The following LARP1 variants were observed in gnomAD, a reference collection of about 807,000 sequenced individuals.
LARP1 encodes the protein la-related protein 1.
In LARP1, 36 loss-of-function variants were observed where a neutral mutation model predicts 122.7. That is an observed-to-expected ratio of 0.29 (90% CI 0.22 to 0.39). The LOEUF (loss-of-function observed/expected upper bound fraction) is 0.39. Ranked by LOEUF, LARP1 falls within the 10% of genes least tolerant of loss-of-function variation. LARP1 has a pLI of 1.00. For synonymous variants in LARP1, 539 were observed against 528.7 expected (o/e 1.02, Z -0.27); for missense variants, 1,040 against 1,403.6 (o/e 0.74, Z 4.14).
intron 1 of LARP1, among the ~76,000 whole-genome samples, chr5:154,684,995 C>T (rs1303681523): frequency 6.6e-6 from 1 of 152,106 alleles, no homozygotes; most frequent in African/African-American, 2.4e-5. Context: ...CCTGTAATCT[C>T]AGCACTTTGT....
At chr5:154,745,953 G>A (rs985514723) in intron 1 of LARP1, among the ~76,000 whole-genome samples, 16 of 151,960 alleles carry the variant, frequency 1.1e-4, no homozygotes, top group Non-Finnish European at 1.6e-4. Flanking sequence ...GCGCCACCAC[G>A]CCCAGTTAAC....
chr5:154,725,881 C>T (rs1388404235), intron 1 of LARP1, among the ~76,000 whole-genome samples: 1 of 152,068 alleles, frequency 6.6e-6, no homozygotes, highest in African/African-American at 2.4e-5. Context: ...CGCTCTGTCA[C>T]CCAGGCTGGA....
intron 1 of LARP1, among the ~76,000 whole-genome samples, chr5:154,715,367 C>T (rs6877122): frequency 0.093 from 13,607 of 145,680 alleles, 737 homozygotes; most frequent in South Asian, 0.19. Flanking sequence ...CGGGTTCAAG[C>T]GATTCTCCTG....
At chr5:154,694,744 A>T (rs1754387579) in intron 1 of LARP1, among the ~76,000 whole-genome samples, 2 of 152,248 alleles carry the variant, frequency 1.3e-5, no homozygotes, top group African/African-American at 4.8e-5. Context: ...TAGCTTTAAA[A>T]TGCTTTAGCC....
At chr5:154,766,130 A>T (rs970088525) in intron 1 of LARP1, among the ~76,000 whole-genome samples, 1 of 152,216 alleles carries the variant, frequency 6.6e-6, no homozygotes, top group Non-Finnish European at 1.5e-5. Flanking sequence ...GTGTTCAGGG[A>T]ACTGAGTTCC....
chr5:154,711,762 G>A (rs1755235718), upstream of LARP1, among the ~76,000 whole-genome samples: 1 of 152,210 alleles, frequency 6.6e-6, no homozygotes, highest in Non-Finnish European at 1.5e-5. Flanking sequence ...CTATATTGTA[G>A]TGACAGCAGC....
At chr5:154,756,627 T>G (rs1244735760) in intron 1 of LARP1, 3 of 469,364 alleles carry the variant, frequency 6.4e-6, no homozygotes, top group African/African-American at 2.1e-5. Flanking sequence ...ATGTTGTAAA[T>G]GTTTAATGAG....
At chr5:154,771,665 A>G (rs1755438537) in intron 1 of LARP1, among the ~76,000 whole-genome samples, 1 of 152,140 alleles carries the variant, frequency 6.6e-6, no homozygotes, top group South Asian at 2.1e-4. Flanking sequence ...AGACGCCTCA[A>G]CTCTGCCTCC....
At chr5:154,782,179 T>G (rs556663182) in intron 1 of LARP1, among the ~76,000 whole-genome samples, 1 of 152,324 alleles carries the variant, frequency 6.6e-6, no homozygotes, top group South Asian at 2.1e-4. Flanking sequence ...TTGAGATAAT[T>G]AAGTAAAATC....
chr5:154,770,063 A>T (rs566767190), intron 1 of LARP1, among the ~76,000 whole-genome samples: 1 of 152,032 alleles, frequency 6.6e-6, no homozygotes, highest in Non-Finnish European at 1.5e-5. Context: ...GGAAGAGGTG[A>T]TATCACCTGA....
chr5:154,789,265 G>C (rs1757152797), intron 1 of LARP1, among the ~76,000 whole-genome samples: 2 of 136,276 alleles, frequency 1.5e-5, no homozygotes. Flanking sequence ...CGTCGCCCAG[G>C]CTGGAGTGCA....
At chr5:154,774,861 C>A (rs563292037) in intron 1 of LARP1, among the ~76,000 whole-genome samples, 1 of 152,196 alleles carries the variant, frequency 6.6e-6, no homozygotes, top group Non-Finnish European at 1.5e-5. Context: ...TGACCAAAGT[C>A]TCTCAGGTGG....
At chr5:154,784,970 C>A (rs1008181287) in intron 1 of LARP1, among the ~76,000 whole-genome samples, 1 of 152,192 alleles carries the variant, frequency 6.6e-6, no homozygotes, top group Non-Finnish European at 1.5e-5. Context: ...CTTTTCTGTT[C>A]TGAGTAAAAA....
intron 8 of LARP1, among the ~76,000 whole-genome samples, chr5:154,797,221 G>GTTTTTTTTTTTTTTTTTTTTTTTTTTT (rs1158010359): frequency 3.4e-5 from 1 of 29,748 alleles, no homozygotes; most frequent in African/African-American, 1.0e-4. Context: ...TGTTGTTGTT[G>GTTTTTTTTTTTTTTTTTTTTTTTTTTT]TTTTTTTTTT....
In LARP1 at chr5:154,811,316, C is replaced by T; in HGVS notation, c.2913C>T (p.Phe971=). The change falls in exon 17 of 19, where the codon TTC becomes TTT. Residue 971 remains phenylalanine, a synonymous_variant. Coordinates refer to ENST00000518297, the MANE Select transcript of LARP1 (RefSeq NM_033551.3). ...AAAAGAAGTTCCGGCTGGACATATT[C>T]AAGGATTTTCAGGAGGAAACGGTGA... ...GLEKKFRLDI[F]KDFQEETVKD... is the part of the protein sequence containing the mutation. 6.2e-7 allele frequency: 1 copy of T among 1,614,118 alleles called. No homozygotes were observed. Among genetic ancestry groups the T allele is most frequent in the Non-Finnish European group, 8.5e-7 (1 of 1,180,030 alleles).
intron 1 of LARP1, among the ~76,000 whole-genome samples, chr5:154,743,713 G>A (rs1264943167): frequency 6.6e-6 from 1 of 151,914 alleles, no homozygotes. Flanking sequence ...TCTGCCTCCC[G>A]AGTTCAAGCG....
At chr5:154,686,564 G>T (rs568137696) in intron 1 of LARP1, among the ~76,000 whole-genome samples, 6 of 152,226 alleles carry the variant, frequency 3.9e-5, no homozygotes, top group Non-Finnish European at 8.8e-5. Flanking sequence ...TTGAAAAATC[G>T]AAAGGTCCCA....
At chr5:154,770,050 A>C (rs1755273860) in intron 1 of LARP1, among the ~76,000 whole-genome samples, 1 of 152,084 alleles carries the variant, frequency 6.6e-6, no homozygotes, top group African/African-American at 2.4e-5. Flanking sequence ...TTCTGAAAGC[A>C]TTGGAAGAGG....
intron 1 of LARP1, chr5:154,685,788 T>C (rs77055126): frequency 0.026 from 13,119 of 502,822 alleles, 243 homozygotes; most frequent in Middle Eastern, 0.057. Flanking sequence ...CTGGGCAACA[T>C]AGCGAGACCT....
Sources: allele counts gnomAD v4.1 joint callset (sites outside exome capture counted in the v4.1 genomes callset), GRCh38; gene constraint gnomAD v4.1.1; transcripts MANE v1.5; gene names NCBI Gene and HGNC (gene_info 2026-07-23, HGNC 2026-07-21).